CLVS1: variants seen among roughly 807,000 people sequenced by gnomAD.
CLVS1 encodes the protein clavesin-1.
A neutral mutation model predicts 33.1 loss-of-function variants in CLVS1; 10 were observed. The observed-to-expected ratio is 0.30, with a 90% CI of 0.19 to 0.51. The LOEUF (loss-of-function observed/expected upper bound fraction) is 0.51. Ranked by LOEUF, CLVS1 falls within the 20% of genes least tolerant of loss-of-function variation. The pLI is 0.97. For missense variants in CLVS1, 343 were observed against 433.4 expected, an observed-to-expected ratio of 0.79 and a Z score of 1.85; for synonymous variants, 163 against 166.1, an observed-to-expected ratio of 0.98 and a Z score of 0.14.
At chr8:60,987,493 A>T in the CLVS1 span, among the ~76,000 whole-genome samples, 1 of 152,136 alleles carries the variant, frequency 6.6e-6, no homozygotes. Flanking sequence ...GAAAGAAGGA[A>T]TGATAGCAGG....
At chr8:61,219,855 A>G (rs1808172642) in intron 2 of CLVS1, among the ~76,000 whole-genome samples, 1 of 152,122 alleles carries the variant, frequency 6.6e-6, no homozygotes, top group African/African-American at 2.4e-5. Context: ...CTCACGTGAG[A>G]TGGTATCTCA....
rs549955338 is a variant in CLVS1 at position 61,240,894 on chromosome 8, G to GTTTTTTTTT, written c.-151-58774_-151-58766dup. ...CTAAAATGAATGATGTTTGCTGTAG[G>GTTTTTTTTT]TTTTTTTTTTTTTTTTTAAAATAGA... On this transcript the variant is annotated intron_variant, in intron 2 of 2. Transcript: ENST00000522621. 1.2e-3 allele frequency among the ~76,000 whole-genome samples: 162 copies of GTTTTTTTTT among 130,578 alleles called. 5 individuals carry two copies. Among genetic ancestry groups the GTTTTTTTTT allele is most frequent in the East Asian group, 4.1e-3 (15 of 3,692 alleles). 85.7% of individuals were successfully genotyped at this position (130,578 alleles called of 152,430 possible).
intron 2 of CLVS1, among the ~76,000 whole-genome samples, chr8:61,232,023 G>GTTTGTTTGTTTTTTTTTTTTT: frequency 1.6e-5 from 1 of 62,628 alleles, no homozygotes; most frequent in African/African-American, 4.7e-5. Context: ...GAAAGTTGTG[G>GTTTGTTTGTTTTTTTTTTTTT]TTTTTTTTTT....
At position 61,232,041 on chromosome 8, in the gene CLVS1, T is replaced by TTGTTTTG. The variant is rs1554548395; in HGVS notation, c.-151-67635_-151-67634insGTTTTGT. 2.4e-3 allele frequency among the ~76,000 whole-genome samples: 284 copies of TTGTTTTG among 116,006 alleles called. 10 individuals carry two copies. Among genetic ancestry groups the TTGTTTTG allele is most frequent in the African/African-American group, 0.012 (248 of 20,990 alleles). The allele number at this position is 116,006 out of a possible 152,430, so 76.1% of individuals were successfully genotyped here. On this transcript the variant is annotated intron_variant, in intron 2 of 2. Coordinates refer to the CLVS1 transcript ENST00000522621. ...AGTTGTGGTTTTTTTTTTTTTTTTT[T>TTGTTTTG]TTTTTTTTTGTGAGATGGAGTCTCG...
Position 61,086,204 on chromosome 8 carries a change from G to A in CLVS1, c.-243+28974G>A, listed in dbSNP as rs191800950. ...ATTTCGCTATTGCACTCCAGCCTGG[G>A]AGCCAGAGTGAGACTCTGTCTCAAA... On this transcript the variant is annotated intron_variant, in intron 1 of 2. Coordinates refer to the CLVS1 transcript ENST00000522621. 3.0e-3 allele frequency among the ~76,000 whole-genome samples: 454 copies of A among 151,830 alleles called. 2 individuals are homozygous for A. The highest frequency in any genetic ancestry group is 0.01 in the African/African-American group (426 of 41,358).
intron 2 of CLVS1, among the ~76,000 whole-genome samples, chr8:61,330,038 C>T (rs1811535100): frequency 6.6e-6 from 1 of 152,156 alleles, no homozygotes; most frequent in African/African-American, 2.4e-5. Context: ...ACATGCCCAC[C>T]TGCAGCTGGT....
At chr8:61,131,551 G>C (rs997001108) in intron 1 of CLVS1, among the ~76,000 whole-genome samples, 3 of 152,118 alleles carry the variant, frequency 2.0e-5, no homozygotes, top group African/African-American at 7.2e-5. Context: ...ACTGGGAGAA[G>C]TTGTTCTTGG....
At chr8:61,322,560 T>C (rs564693420) in intron 2 of CLVS1, among the ~76,000 whole-genome samples, 1 of 152,246 alleles carries the variant, frequency 6.6e-6, no homozygotes, top group South Asian at 2.1e-4. Context: ...GTGTCAAAAT[T>C]CTAGCAGCTC....
At chr8:61,334,274 TAAAC>T (rs1811704328) in intron 2 of CLVS1, among the ~76,000 whole-genome samples, 1 of 152,198 alleles carries the variant, frequency 6.6e-6, no homozygotes, top group Admixed American at 6.5e-5. Flanking sequence ...GAGACACTCT[TAAAC>T]AAATTTGGTT....
chr8:61,055,842 A>T (rs1394976834), upstream of CLVS1, among the ~76,000 whole-genome samples: 1 of 152,124 alleles, frequency 6.6e-6, no homozygotes, highest in Non-Finnish European at 1.5e-5. Context: ...TGCCCGTGTA[A>T]CTCTCCAAGG....
intron 2 of CLVS1, among the ~76,000 whole-genome samples, chr8:61,178,699 T>A (rs1031671428): frequency 6.6e-6 from 1 of 152,104 alleles, no homozygotes; most frequent in African/African-American, 2.4e-5. Context: ...TATTCAACAT[T>A]CTTAAAGAAA....
intron 3 of CLVS1, among the ~76,000 whole-genome samples, chr8:61,392,842 CA>C (rs570764748): frequency 6.7e-6 from 1 of 149,490 alleles, no homozygotes; most frequent in Admixed American, 6.6e-5. Flanking sequence ...GACTCTGTCT[CA>C]AAAAAAACAT....
intron 4 of CLVS1, among the ~76,000 whole-genome samples, chr8:61,455,178 TTGTGTGTGTGTG>T (rs35160609): frequency 2.0e-5 from 3 of 147,536 alleles, no homozygotes; most frequent in Admixed American, 6.8e-5. Flanking sequence ...TAATTATGAT[TTGTGTGTGTGTG>T]TGTGTGTGTG....
chr8:61,397,115 A>G (rs1256638745), intron 3 of CLVS1, among the ~76,000 whole-genome samples: 2 of 152,068 alleles, frequency 1.3e-5, no homozygotes, highest in Non-Finnish European at 2.9e-5. Context: ...CTGTCAAACC[A>G]TTTTCCAAAG....
intron 2 of CLVS1, among the ~76,000 whole-genome samples, chr8:61,269,950 C>T: frequency 6.8e-6 from 1 of 146,130 alleles, no homozygotes; most frequent in East Asian, 2.0e-4. Flanking sequence ...ACAATCATGT[C>T]GTCTGCAAAC....
intron 5 of CLVS1, among the ~76,000 whole-genome samples, chr8:61,473,341 TA>T (rs58281654): frequency 0.61 from 58,824 of 96,180 alleles, 18,797 homozygotes; most frequent in East Asian, 0.75. Flanking sequence ...TCACGGAATT[TA>T]AAAAAAAAAA....
At chr8:61,179,828 G>C (rs1305554778) in intron 2 of CLVS1, among the ~76,000 whole-genome samples, 1 of 152,088 alleles carries the variant, frequency 6.6e-6, no homozygotes, top group Non-Finnish European at 1.5e-5. Flanking sequence ...GAATCTCTGA[G>C]ACAGATAAAG....
intron 2 of CLVS1, among the ~76,000 whole-genome samples, chr8:61,229,691 C>T (rs540655774): frequency 1.2e-4 from 18 of 152,292 alleles, no homozygotes; most frequent in African/African-American, 4.3e-4. Context: ...GGTGCAGTGG[C>T]GCAATCTTGG....
chr8:61,457,157 G>A (rs958537737), intron 4 of CLVS1, among the ~76,000 whole-genome samples: 4 of 151,858 alleles, frequency 2.6e-5, no homozygotes, highest in Non-Finnish European at 4.4e-5. Flanking sequence ...GGCTGGTCTC[G>A]AACTCCTGAC....
Sources: allele counts gnomAD v4.1 joint callset (sites outside exome capture counted in the v4.1 genomes callset), GRCh38; gene constraint gnomAD v4.1.1; transcripts MANE v1.5; gene names NCBI Gene and HGNC (gene_info 2026-07-23, HGNC 2026-07-21).